ASB2: variants seen among roughly 807,000 people sequenced by gnomAD.
ASB2 encodes ankyrin repeat and SOCS box containing 2.
Under a neutral mutation model 62.4 loss-of-function variants are expected in ASB2, and 58 were observed. The observed-to-expected ratio is 0.93, with a 90% CI of 0.75 to 1.16. The LOEUF is 1.16. ASB2 is among the 50% of genes most tolerant of loss of function. The probability of loss-of-function intolerance (pLI) is 0.00; values close to 1 mark genes in which losing one functional copy is unlikely to be tolerated. For missense variants in ASB2, 928 were observed against 887.9 expected (o/e 1.05, Z -0.57); for synonymous variants, 386 against 385.3 (o/e 1.00, Z -0.02).
chr14:93,958,540 T>C (rs1204402552), intron 2 of ASB2, among the ~76,000 whole-genome samples: 1 of 152,158 alleles, frequency 6.6e-6, no homozygotes. Flanking sequence ...TTTCCTTATT[T>C]GCAAAATGGA....
chr14:93,956,688 C>T (rs984473431), intron 3 of ASB2, 78 bp downstream of exon 3: 20 of 1,576,684 alleles, frequency 1.3e-5, no homozygotes, highest in Admixed American at 5.0e-5. Flanking sequence ...GGGCTGTGGG[C>T]CTGCTTCCCA....
In ASB2 at chr14:93,934,612, TAAG is replaced by T; in HGVS notation, c.*41_*43del. ...GGAACACCGACGTCCTGAGACTTAG[TAAG>T]AAGAGTCTGAGGGGCTACTCCTCTC... On this transcript the variant is annotated 3_prime_UTR_variant, in exon 10 of 10. Transcript: ENST00000555019. The T allele has an allele frequency of 6.2e-7, 1 of 1,605,232 alleles. No individual in the cohort carries two copies.
At chr14:93,962,016 GC>G (rs1889423163) in intron 2 of ASB2, among the ~76,000 whole-genome samples, 1 of 152,006 alleles carries the variant, frequency 6.6e-6, no homozygotes, top group Admixed American at 6.6e-5. Flanking sequence ...ACTTTGGGTG[GC>G]TTTTGTAAAC....
intron 2 of ASB2, among the ~76,000 whole-genome samples, chr14:93,961,070 A>AGTTGG (rs1889394243): frequency 6.6e-6 from 1 of 152,186 alleles, no homozygotes; most frequent in Admixed American, 6.5e-5. Context: ...GGAAGACCCA[A>AGTTGG]GAAGCTTGTC....
intron 7 of ASB2, among the ~76,000 whole-genome samples, chr14:93,945,524 C>T (rs1409353701): frequency 6.6e-6 from 1 of 152,228 alleles, no homozygotes; most frequent in African/African-American, 2.4e-5. Context: ...CCGACAACCC[C>T]ATGAGGCGGG....
intron 3 of ASB2, among the ~76,000 whole-genome samples, chr14:93,956,390 A>G (rs1238558299): frequency 2.6e-5 from 4 of 152,174 alleles, no homozygotes; most frequent in African/African-American, 7.2e-5. Context: ...CCAACTCATC[A>G]AGTTCAACTC....
Position 93,953,421 on chromosome 14 carries a change from G to A in ASB2, c.565C>T (p.Leu189=). ...TCTGCCCCTGCTTGGAGCAGTGACAGGAGACAGTCCAGGTGGCCCCTGCAC... is the reference window on the plus strand; with the variant it reads ...TCTGCCCCTGCTTGGAGCAGTGACAAGAGACAGTCCAGGTGGCCCCTGCAC... ...ATCRGHLDCL[L]SLLQAGAEPD... The change falls in exon 5 of 10, where the codon CTG becomes TTG. Residue 189 remains leucine (L), a synonymous_variant. Coordinates refer to ENST00000555019, the MANE Select transcript of ASB2 (RefSeq NM_001202429.2). 1 of 1,608,998 alleles carries A rather than the reference G, an allele frequency of 6.2e-7. No individual in the cohort carries two copies.
intron 1 of ASB2, chr14:93,969,825 C>T (rs1889707515): frequency 1.3e-5 from 2 of 152,258 alleles, no homozygotes; most frequent in Non-Finnish European, 2.9e-5. Flanking sequence ...TGAGAAGCCC[C>T]ATCTTTCCCC....
intron 1 of ASB2, among the ~76,000 whole-genome samples, chr14:93,965,403 C>T (rs901038901): frequency 2.0e-5 from 3 of 152,168 alleles, no homozygotes; most frequent in Non-Finnish European, 4.4e-5. Flanking sequence ...CCTGAGAATA[C>T]CAGAGATGAA....
rs779721050 is a variant in ASB2, at chr14:93,939,221, C to T, written c.1504G>A (p.Gly502Ser). The T allele has an allele frequency of 3.7e-6, 6 of 1,607,524 alleles. No homozygotes were observed. Among genetic ancestry groups the T allele is most frequent in the African/African-American group, 2.7e-5 (2 of 74,774 alleles). The change falls in exon 8 of 10, where the codon GGC becomes AGC. Residue 502 changes from glycine to serine, a missense_variant. Coordinates refer to ENST00000555019, the MANE Select transcript of ASB2 (RefSeq NM_001202429.2). ...LKFLMDLGCD[G>S]EPCFSCLYGN... Reference sequence around the variant, plus strand: ...TAGAGGCATGAGAAGCAGGGCTCGCCGTCGCAGCCCAGGTCCATGAGGAAC... The same window carrying T: ...TAGAGGCATGAGAAGCAGGGCTCGCTGTCGCAGCCCAGGTCCATGAGGAAC...
chr14:93,964,453 T>C lies in ASB2; in HGVS notation c.87A>G (p.Glu29=), dbSNP rs1287309093. Residue 29 remains glutamate (E), a synonymous_variant, in exon 2 of 10, where the codon GAA becomes GAG. Coordinates refer to ENST00000555019, the MANE Select transcript of ASB2 (RefSeq NM_001202429.2). ...TCTGCTCGATGGCCATCTGCACCAG[T>C]TCATCCTCGCTCAGGCTGCTGTACA... ...YSLYSSLSED[E]LVQMAIEQSL... is the part of the protein sequence containing the mutation. 2.0e-6 allele frequency: 3 copies of C among 1,536,082 alleles called. No individual in the cohort carries two copies. Among genetic ancestry groups the C allele is most frequent in the South Asian group, 2.4e-5 (2 of 84,062 alleles).
intron 7 of ASB2, among the ~76,000 whole-genome samples, chr14:93,946,714 T>C (rs1408056432): frequency 6.6e-6 from 1 of 152,248 alleles, no homozygotes; most frequent in Non-Finnish European, 1.5e-5. Flanking sequence ...TTCCTCCAGA[T>C]TGCTCCTTGG....
intron 6 of ASB2, among the ~76,000 whole-genome samples, 199 bp downstream of exon 6, chr14:93,950,800 G>A (rs563364401): frequency 6.6e-6 from 1 of 150,770 alleles, no homozygotes; most frequent in South Asian, 2.1e-4. Context: ...GATGTCACTA[G>A]TGGATCCCGA....
chr14:93,969,273 G>A (rs530990641), intron 1 of ASB2, among the ~76,000 whole-genome samples: 71 of 152,298 alleles, frequency 4.7e-4, no homozygotes, highest in African/African-American at 1.6e-3. Flanking sequence ...CTATGGCGGC[G>A]TCTCCTGGGG....
intron 2 of ASB2, among the ~76,000 whole-genome samples, chr14:93,959,930 G>A (rs1403484113): frequency 6.6e-6 from 1 of 151,602 alleles, no homozygotes; most frequent in Non-Finnish European, 1.5e-5. Flanking sequence ...TCCGCCCCAC[G>A]CCCGCCAACA....
At chr14:93,942,778 G>A (rs1276135444) in intron 7 of ASB2, among the ~76,000 whole-genome samples, 3 of 152,188 alleles carry the variant, frequency 2.0e-5, no homozygotes, top group African/African-American at 7.2e-5. Context: ...TCAGCACTGG[G>A]CCAGCGCAAG....
At chr14:93,959,405 A>G (rs1889332842) in intron 2 of ASB2, among the ~76,000 whole-genome samples, 1 of 152,176 alleles carries the variant, frequency 6.6e-6, no homozygotes. Context: ...GCGACCGCTC[A>G]GAGTTACTGA....
intron 7 of ASB2, chr14:93,942,372 G>T (rs1256863180): frequency 2.3e-6 from 1 of 440,854 alleles, no homozygotes; most frequent in Non-Finnish European, 4.6e-6. Flanking sequence ...TCCTGTCTGG[G>T]CCCTGAGACC....
At chr14:93,975,673 AC>A (rs1212061665) in intron 1 of ASB2, among the ~76,000 whole-genome samples, 2 of 152,038 alleles carry the variant, frequency 1.3e-5, no homozygotes, top group Non-Finnish European at 2.9e-5. Context: ...CACATGCAGA[AC>A]CCTTTGCCAG....
Sources: gnomAD v4.1 joint callset for allele counts (sites outside exome capture counted in the v4.1 genomes callset) on GRCh38, gnomAD v4.1.1 for gene constraint, MANE v1.5 for transcripts, NCBI Gene and HGNC (gene_info 2026-07-23, HGNC 2026-07-21) for gene names.